Variants in ANXA1 observed in about 807,000 individuals in gnomAD.
The protein encoded by ANXA1 is annexin A1.
In ANXA1, 39 loss-of-function variants were observed where a neutral mutation model predicts 47.9. That is an observed-to-expected ratio of 0.81 (90% CI 0.63 to 1.06). The LOEUF (loss-of-function observed/expected upper bound fraction) is 1.06, where lower values mean the gene tolerates loss of function less well. Ranked by LOEUF, ANXA1 falls within the 50% of genes least tolerant of loss-of-function variation. ANXA1 has a pLI of 0.00. For missense variants in ANXA1, 446 were observed against 422.7 expected (o/e 1.06, Z -0.48); for synonymous variants, 146 against 142.5 (o/e 1.02, Z -0.17).
In ANXA1 at chr9:73,162,821, C is replaced by T. The variant is rs754419431; in HGVS notation, c.515C>T (p.Thr172Ile). 40 of 1,613,144 alleles carry T rather than the reference C, an allele frequency of 2.5e-5. No homozygotes were observed. The highest frequency in any genetic ancestry group is 3.1e-5 in the Non-Finnish European group (36 of 1,179,536). The stretch of plus-strand genomic sequence containing the variant: ...CTGGCCAAAGACATAACCTCAGACA[C>T]ATCTGGAGATTTTCGGAACGCTTTG... ...RDLAKDITSDTSGDFRNALLS... is the reference protein window; with the variant it reads ...RDLAKDITSDISGDFRNALLS... Residue 172 changes from threonine (T) to isoleucine (I), a missense_variant, in exon 7 of 13, where the codon ACA becomes ATA. Transcript: ENST00000257497.
chr9:73,158,783 A>G lies in ANXA1; in HGVS notation c.155A>G (p.His52Arg), dbSNP rs1425681042. 1.2e-6 allele frequency: 2 copies of G among 1,613,640 alleles called. No homozygotes were observed. Among genetic ancestry groups the G allele is most frequent in the Admixed American group, 1.7e-5 (1 of 59,976 alleles). The change falls in exon 3 of 13, where the codon CAT becomes CGT. Residue 52 changes from histidine to arginine, a missense_variant. His to Arg is a conservative substitution (Grantham distance 29). Transcript: ENST00000257497. ...FNPSSDVAAL[H>R]KAIMVKGVDE... ...CCATCCTCGGATGTCGCTGCCTTGC[A>G]TAAGGCCATAATGGTTAAAGGTAAC...
chr9:73,159,115 GTTAA>G (rs1297095993), intron 3 of ANXA1, among the ~76,000 whole-genome samples: 1 of 152,200 alleles, frequency 6.6e-6, no homozygotes, highest in Non-Finnish European at 1.5e-5. Context: ...GCCAGGAAAA[GTTAA>G]TTGTCTCTTC....
chr9:73,155,056 A>G (rs2118132520), intron 1 of ANXA1, among the ~76,000 whole-genome samples: 1 of 152,358 alleles, frequency 6.6e-6, no homozygotes, highest in African/African-American at 2.4e-5. Flanking sequence ...CTTAGGACAC[A>G]TAAATATGCA....
At chr9:73,164,295 A>T (rs1824191322) in intron 8 of ANXA1, among the ~76,000 whole-genome samples, 1 of 152,272 alleles carries the variant, frequency 6.6e-6, no homozygotes, top group Admixed American at 6.5e-5. Context: ...TGTTCAACAA[A>T]TGCATACATA....
chr9:73,158,451 A>T (rs1402200798), intron 1 of ANXA1, 71 bp from the exon 2 acceptor site: 1 of 1,153,558 alleles, frequency 8.7e-7, no homozygotes, highest in Non-Finnish European at 1.3e-6. Flanking sequence ...TTATGTATGT[A>T]AGAGGTGAGG....
At chr9:73,158,367 C>A (rs1824082345) in intron 1 of ANXA1, 155 bp from the exon 2 acceptor site, 2 of 592,830 alleles carry the variant, frequency 3.4e-6, no homozygotes, top group African/African-American at 3.7e-5. Flanking sequence ...AAAATTACGT[C>A]TTACATTTTG....
rs1183979591 is a variant in ANXA1 at position 73,160,869 on chromosome 9, G to A, written c.451G>A (p.Asp151Asn). ...LASRTNKEIRDINRVYREELK... is the reference protein window; with the variant it reads ...LASRTNKEIRNINRVYREELK... ...ATCAAGAACTAACAAAGAAATCAGA[G>A]ACATTAACAGGGTCTACAGAGAGGG... The change falls in exon 6 of 13, where the codon GAC becomes AAC. Residue 151 changes from aspartate (D) to asparagine (N), a missense_variant. Transcript: ENST00000257497. 2.5e-6 allele frequency: 4 copies of A among 1,612,084 alleles called. No homozygotes were observed. The highest frequency in any genetic ancestry group is 1.1e-5 in the South Asian group (1 of 91,028).
At chr9:73,162,165 A>G (rs993229223) in intron 6 of ANXA1, among the ~76,000 whole-genome samples, 11 of 152,114 alleles carry the variant, frequency 7.2e-5, no homozygotes, top group African/African-American at 2.4e-4. Flanking sequence ...TCATCCAAAC[A>G]TCTCCCAACA....
intron 8 of ANXA1, among the ~76,000 whole-genome samples, chr9:73,164,801 A>C (rs560140459): frequency 2.0e-5 from 3 of 152,246 alleles, no homozygotes; most frequent in African/African-American, 7.2e-5. Context: ...ACAGAGTAAA[A>C]AATCTTTAGA....
chr9:73,163,371 T>C, intron 7 of ANXA1, 105 bp from the exon 8 acceptor site: 1 of 1,135,022 alleles, frequency 8.8e-7, no homozygotes, highest in Non-Finnish European at 1.3e-6. Context: ...AGTAATAGAA[T>C]ACCTTTTTCT....
chr9:73,158,282 G>A (rs1824080531), intron 1 of ANXA1: 1 of 426,676 alleles, frequency 2.3e-6, no homozygotes, highest in Non-Finnish European at 4.3e-6. Flanking sequence ...ATTTAGAACT[G>A]AATATGCCAA....
In ANXA1 at chr9:73,160,825, C is replaced by T. The variant is rs1411973218; in HGVS notation, c.407C>T (p.Thr136Ile). The change falls in exon 6 of 13, where the codon ACT becomes ATT. Residue 136 changes from threonine (T) to isoleucine (I), a missense_variant. Thr to Ile is a moderately conservative substitution (Grantham distance 89). Transcript: ENST00000257497. The stretch of plus-strand genomic sequence containing the variant: ...TAGGGCCTTGGAACTGATGAAGATA[C>T]TCTAATTGAGATTTTGGCATCAAGA... ...AMKGLGTDED[T>I]LIEILASRTN... is the part of the protein sequence containing the mutation. 2 of 1,612,356 alleles carry T rather than the reference C, an allele frequency of 1.2e-6. No homozygotes were observed. The highest frequency in any genetic ancestry group is 1.7e-6 in the Non-Finnish European group (2 of 1,178,718).
chr9:73,158,925 C>G (rs1353083568), intron 3 of ANXA1, 122 bp downstream of exon 3: 3 of 816,402 alleles, frequency 3.7e-6, no homozygotes, highest in Non-Finnish European at 5.8e-6. Context: ...AAAAACATTT[C>G]TTTGCCAAAC....
intron 7 of ANXA1, 99 bp from the exon 8 acceptor site, chr9:73,163,377 T>C: frequency 1.6e-6 from 2 of 1,249,860 alleles, no homozygotes; most frequent in Non-Finnish European, 2.3e-6. Flanking sequence ...AGAATACCTT[T>C]TTCTCAAAAA....
chr9:73,163,029 T>C (rs1207810400), intron 7 of ANXA1, among the ~76,000 whole-genome samples, 168 bp downstream of exon 7: 3 of 152,178 alleles, frequency 2.0e-5, no homozygotes, highest in East Asian at 3.9e-4. Flanking sequence ...TGGGTATCTA[T>C]GTCTGGTGAG....
At chr9:73,157,141 T>C (rs1347559635) in intron 1 of ANXA1, among the ~76,000 whole-genome samples, 1 of 152,150 alleles carries the variant, frequency 6.6e-6, no homozygotes, top group East Asian at 1.9e-4. Context: ...CTGGGTTTTT[T>C]GTGTTGGGTG....
intron 1 of ANXA1, among the ~76,000 whole-genome samples, chr9:73,155,733 C>T (rs1275338711): frequency 6.6e-6 from 1 of 152,172 alleles, no homozygotes; most frequent in East Asian, 1.9e-4. Context: ...CTATTGGTTG[C>T]TTTTCTTTCC....
chr9:73,155,499 T>C (rs1013285088), intron 1 of ANXA1, among the ~76,000 whole-genome samples: 1 of 152,176 alleles, frequency 6.6e-6, no homozygotes, highest in Non-Finnish European at 1.5e-5. Flanking sequence ...AAAATATATA[T>C]TTGGTATTTG....
intron 1 of ANXA1, among the ~76,000 whole-genome samples, chr9:73,154,504 C>A (rs889029057): frequency 6.6e-6 from 1 of 152,026 alleles, no homozygotes; most frequent in Non-Finnish European, 1.5e-5. Flanking sequence ...GGTACAATCT[C>A]GGCTCACTGC....
Sources: allele counts gnomAD v4.1 joint callset (sites outside exome capture counted in the v4.1 genomes callset), GRCh38; gene constraint gnomAD v4.1.1; transcripts MANE v1.5; gene names NCBI Gene and HGNC (gene_info 2026-07-23, HGNC 2026-07-21).